Variants in ST6GAL2 observed in about 807,000 individuals in gnomAD.
ST6GAL2 encodes ST6 beta-galactoside alpha-2,6-sialyltransferase 2.
In ST6GAL2, 24 loss-of-function variants were observed where a neutral mutation model predicts 37.5. That is an observed-to-expected ratio of 0.64 (90% CI 0.46 to 0.90). The LOEUF is 0.90. ST6GAL2 is among the 40% of genes least tolerant of loss of function. The pLI, the probability that ST6GAL2 is intolerant of heterozygous loss-of-function variation, is 0.00. For missense variants in ST6GAL2, 715 were observed against 712.7 expected (o/e 1.00, Z -0.04); for synonymous variants, 306 against 295.1 (o/e 1.04, Z -0.38).
At chr2:106,849,597 G>C (rs1573273086) in intron 1 of ST6GAL2, among the ~76,000 whole-genome samples, 1 of 152,284 alleles carries the variant, frequency 6.6e-6, no homozygotes, top group East Asian at 1.9e-4. Context: ...CATTAATGCA[G>C]CCTACCTTTC....
intron 3 of ST6GAL2, among the ~76,000 whole-genome samples, chr2:106,833,722 T>C (rs903607821): frequency 6.6e-6 from 1 of 152,202 alleles, no homozygotes; most frequent in African/African-American, 2.4e-5. Flanking sequence ...CTTTCTTTAT[T>C]GCCATTTCTT....
chr2:106,843,504 T>A lies in ST6GAL2; in HGVS notation c.474A>T (p.Pro158=), dbSNP rs1431375866. Residue 158 remains proline (P), a synonymous_variant, in exon 2 of 6, where the codon CCA becomes CCT. Coordinates refer to ENST00000409382, the MANE Select transcript of ST6GAL2 (RefSeq NM_001142351.2). ...LGFPSPGEPG[P]REGAFPAAQV... is the part of the protein sequence containing the mutation. ...GTGCAGCCGGAAAAGCCCCCTCCCG[T>A]GGGCCTGGCTCCCCGGGGGAAGGGA... The A allele has an allele frequency of 6.2e-7, 1 of 1,614,000 alleles. No homozygotes were observed. The highest frequency in any genetic ancestry group is 1.7e-5 in the Admixed American group (1 of 60,030).
intron 2 of ST6GAL2, among the ~76,000 whole-genome samples, chr2:106,836,297 T>C (rs937292939): frequency 6.6e-6 from 1 of 152,192 alleles, no homozygotes; most frequent in Non-Finnish European, 1.5e-5. Context: ...ATATGAAGGC[T>C]CAGACACACT....
chr2:106,824,154 C>T (rs1029949612), intron 5 of ST6GAL2, among the ~76,000 whole-genome samples: 8 of 152,296 alleles, frequency 5.3e-5, no homozygotes, highest in African/African-American at 1.7e-4. Context: ...TGGGTCCCCA[C>T]TTGATAGGAA....
At chr2:106,839,105 A>T (rs1558696016) in intron 2 of ST6GAL2, among the ~76,000 whole-genome samples, 2 of 152,148 alleles carry the variant, frequency 1.3e-5, no homozygotes, top group African/African-American at 4.8e-5. Context: ...TGTACTATAT[A>T]AGTGGTACCT....
At chr2:106,874,481 G>A (rs2104629495) in intron 1 of ST6GAL2, among the ~76,000 whole-genome samples, 1 of 152,276 alleles carries the variant, frequency 6.6e-6, no homozygotes, top group East Asian at 1.9e-4. Context: ...GTATGCAATG[G>A]ACGACGACTG....
At chr2:106,844,530 G>GTGACA (rs1460652096) in intron 1 of ST6GAL2, among the ~76,000 whole-genome samples, 1 of 152,068 alleles carries the variant, frequency 6.6e-6, no homozygotes, top group Admixed American at 6.6e-5. Flanking sequence ...CTTCTAAGGA[G>GTGACA]TGACAACCCT....
intron 4 of ST6GAL2, 133 bp from the exon 5 acceptor site, chr2:106,830,373 A>T: frequency 1.5e-6 from 1 of 686,270 alleles, no homozygotes; most frequent in Non-Finnish European, 2.5e-6. Context: ...GACTCATGAC[A>T]TCTACAGACA....
intron 5 of ST6GAL2, among the ~76,000 whole-genome samples, chr2:106,817,256 G>C (rs72949025): frequency 0.01 from 1,559 of 152,288 alleles, 32 homozygotes; most frequent in African/African-American, 0.035. Flanking sequence ...GGGAGTGCTT[G>C]CACCACTCTT....
intron 1 of ST6GAL2, among the ~76,000 whole-genome samples, chr2:106,876,805 A>AC (rs1678521000): frequency 6.6e-6 from 1 of 152,184 alleles, no homozygotes; most frequent in Admixed American, 6.5e-5. Flanking sequence ...GCTGAAGAAA[A>AC]CAAGACAGAT....
chr2:106,825,674 T>C (rs1404832751), intron 5 of ST6GAL2, among the ~76,000 whole-genome samples: 1 of 152,258 alleles, frequency 6.6e-6, no homozygotes, highest in Non-Finnish European at 1.5e-5. Context: ...AATACAATGA[T>C]GAGCAGAACA....
intron 5 of ST6GAL2, 92 bp downstream of exon 5, chr2:106,829,974 T>C (rs935565): frequency 0.88 from 1,089,498 of 1,235,840 alleles, 481,086 homozygotes; most frequent in East Asian, 0.96. Context: ...ATAAGGTATT[T>C]TCAACCTGTA....
rs568090156 is a variant in ST6GAL2, at chr2:106,805,405, G to GA, written c.*1272dup. The GA allele has an allele frequency of 8.9e-4, 136 of 152,130 alleles. No individual in the cohort carries two copies. The highest frequency in any genetic ancestry group is 1.7e-3 in the Non-Finnish European group (115 of 68,020). 9.4% of individuals were successfully genotyped at this position (152,130 alleles called of 1,614,324 possible). On this transcript the variant is annotated 3_prime_UTR_variant, in exon 6 of 6. Coordinates refer to ENST00000409382, the MANE Select transcript of ST6GAL2 (RefSeq NM_001142351.2). ...TGTATCAGTGACAGTTGAGATTAAA[G>GA]AAAAAATCAACCCTGAATATAGCTA...
At chr2:106,814,340 A>G (rs980299139) in intron 5 of ST6GAL2, among the ~76,000 whole-genome samples, 1 of 152,240 alleles carries the variant, frequency 6.6e-6, no homozygotes, top group African/African-American at 2.4e-5. Context: ...ATGAGATTCC[A>G]AAAGCCAATA....
chr2:106,876,819 G>A (rs917520689), intron 1 of ST6GAL2, among the ~76,000 whole-genome samples: 6 of 152,154 alleles, frequency 3.9e-5, no homozygotes, highest in African/African-American at 1.4e-4. Context: ...GACAGATAGG[G>A]TAACTGCATA....
At chr2:106,879,813 A>G (rs888952878) in intron 1 of ST6GAL2, among the ~76,000 whole-genome samples, 6 of 147,856 alleles carry the variant, frequency 4.1e-5, no homozygotes, top group Admixed American at 1.4e-4. Flanking sequence ...CAAATTATAT[A>G]CTATTATATA....
Position 106,869,347 on chromosome 2 carries a change from C to G in ST6GAL2, c.-58+16746G>C, listed in dbSNP as rs149269001. On this transcript the variant is annotated intron_variant, in intron 1 of 5. Transcript: ENST00000409382. Reference sequence around the variant, plus strand: ...TCCATTGAGATATTTGGACAAAAACCAAACTAGGGCTACTCTGTCAATTTT... The same window carrying G: ...TCCATTGAGATATTTGGACAAAAACGAAACTAGGGCTACTCTGTCAATTTT... Among the ~76,000 whole-genome samples the G allele has an allele frequency of 2.4e-4, 37 of 152,284 alleles. No homozygotes were observed. In the East Asian group the frequency reaches 6.6e-3, roughly 27 times the overall value.
chr2:106,873,516 G>A (rs1678371076), intron 1 of ST6GAL2, among the ~76,000 whole-genome samples: 1 of 152,174 alleles, frequency 6.6e-6, no homozygotes, highest in African/African-American at 2.4e-5. Context: ...TGTAGGATTT[G>A]ACAACATTTA....
chr2:106,873,460 C>T (rs182082949), intron 1 of ST6GAL2, among the ~76,000 whole-genome samples: 3 of 152,190 alleles, frequency 2.0e-5, no homozygotes, highest in East Asian at 3.8e-4. Context: ...CGTTCTGGAA[C>T]GGCCTTATTA....
Sources: gnomAD v4.1 joint callset for allele counts (sites outside exome capture counted in the v4.1 genomes callset) on GRCh38, gnomAD v4.1.1 for gene constraint, MANE v1.5 for transcripts, NCBI Gene and HGNC (gene_info 2026-07-23, HGNC 2026-07-21) for gene names.